ERBB4: variants seen among roughly 807,000 people sequenced by gnomAD.
The protein encoded by ERBB4 is erb-b2 receptor tyrosine kinase 4.
In ERBB4, 42 loss-of-function variants were observed where a neutral mutation model predicts 158.0. The ratio of observed to expected loss-of-function variants is 0.27; its 90% CI spans 0.21 to 0.34. The LOEUF is 0.34. Among genes scored for constraint, ERBB4 ranks in the 10% least tolerant of loss-of-function variants. The pLI, the probability that ERBB4 is intolerant of heterozygous loss-of-function variation, is 1.00. For missense variants in ERBB4, 1,333 were observed against 1,624.1 expected (o/e 0.82, Z 3.08); for synonymous variants, 583 against 558.7 (o/e 1.04, Z -0.61).
intron 13 of ERBB4, 60 bp downstream of exon 13, chr2:211,678,989 AAAT>A: frequency 1.4e-5 from 18 of 1,332,156 alleles, no homozygotes; most frequent in Middle Eastern, 2.2e-4. Context: ...AAAAAAAAAA[AAAT>A]CAGAACTAAT....
intron 19 of ERBB4, among the ~76,000 whole-genome samples, chr2:211,583,052 CTTCA>C (rs2068151227): frequency 2.6e-5 from 4 of 151,988 alleles, no homozygotes. Flanking sequence ...TATTTAAATA[CTTCA>C]TTCAGTATTT....
intron 18 of ERBB4, among the ~76,000 whole-genome samples, chr2:211,622,745 C>T (rs551915653): frequency 6.6e-6 from 1 of 150,650 alleles, no homozygotes; most frequent in South Asian, 2.1e-4. Context: ...GCGGGTAGAT[C>T]ACTTGTCAGG....
chr2:212,221,878 C>A (rs113983295), intron 1 of ERBB4, among the ~76,000 whole-genome samples: 1 of 151,352 alleles, frequency 6.6e-6, no homozygotes, highest in African/African-American at 2.4e-5. Flanking sequence ...CCTCCAAAAA[C>A]GGTTCTCTAT....
At chr2:212,133,795 C>A (rs890134962) in intron 1 of ERBB4, among the ~76,000 whole-genome samples, 2 of 152,210 alleles carry the variant, frequency 1.3e-5, no homozygotes, top group Admixed American at 6.5e-5. Flanking sequence ...CCTTTCCCTA[C>A]AAAACCTTTT....
Position 212,319,647 on chromosome 2 carries a change from A to G in ERBB4, c.83-194744T>C, listed in dbSNP as rs1361779273. ...TGTTACAGGAAACTTTGAATTGCAT[A>G]TAAGTATATTTTTATCTAACGTCTC... On this transcript the variant is annotated intron_variant, in intron 1 of 27. Transcript: ENST00000342788. Among the ~76,000 whole-genome samples, 12 of 150,434 alleles carry G rather than the reference A, an allele frequency of 8.0e-5. 1 individual carries two copies. The highest frequency in any genetic ancestry group is 3.3e-4 in the Admixed American group (5 of 15,040).
At chr2:211,620,302 A>C (rs1241244821) in intron 18 of ERBB4, among the ~76,000 whole-genome samples, 6 of 152,174 alleles carry the variant, frequency 3.9e-5, no homozygotes, top group African/African-American at 1.2e-4. Context: ...AAATGAAAGA[A>C]TGAAAAATAA....
chr2:211,666,461 A>G (rs2105922327), intron 14 of ERBB4, among the ~76,000 whole-genome samples: 1 of 152,318 alleles, frequency 6.6e-6, no homozygotes, highest in African/African-American at 2.4e-5. Flanking sequence ...TATATCTAAA[A>G]GTCATGACAA....
intron 1 of ERBB4, among the ~76,000 whole-genome samples, chr2:212,143,115 T>C (rs1252916206): frequency 1.3e-5 from 2 of 152,180 alleles, no homozygotes; most frequent in Non-Finnish European, 2.9e-5. Context: ...AGTCATATTT[T>C]AGTGTACTAT....
chr2:211,803,345 A>T (rs2076542419), intron 3 of ERBB4, among the ~76,000 whole-genome samples: 1 of 152,220 alleles, frequency 6.6e-6, no homozygotes, highest in South Asian at 2.1e-4. Flanking sequence ...TTTTATCAGT[A>T]TAGATTATAT....
intron 20 of ERBB4, among the ~76,000 whole-genome samples, chr2:211,499,630 T>C (rs1246133722): frequency 6.6e-6 from 1 of 152,082 alleles, no homozygotes; most frequent in Admixed American, 6.5e-5. Flanking sequence ...TCAGATGAGT[T>C]GGTTATTCCA....
At chr2:212,436,250 T>A (rs2092133224) in intron 1 of ERBB4, among the ~76,000 whole-genome samples, 1 of 151,936 alleles carries the variant, frequency 6.6e-6, no homozygotes, top group Non-Finnish European at 1.5e-5. Context: ...CTGAACTGAA[T>A]CAATTCATTT....
At chr2:211,506,590 T>G (rs1051382557) in intron 20 of ERBB4, among the ~76,000 whole-genome samples, 3 of 152,030 alleles carry the variant, frequency 2.0e-5, no homozygotes, top group African/African-American at 7.2e-5. Context: ...GAATTAGAAC[T>G]GAATACCAAG....
At chr2:211,675,564 G>A (rs1329885300) in intron 13 of ERBB4, among the ~76,000 whole-genome samples, 3 of 151,726 alleles carry the variant, frequency 2.0e-5, no homozygotes, top group Non-Finnish European at 2.9e-5. Flanking sequence ...AAGTTCTAAA[G>A]TTCCATTGCA....
chr2:211,791,224 A>T (rs1030001613), intron 3 of ERBB4, among the ~76,000 whole-genome samples: 3 of 151,956 alleles, frequency 2.0e-5, no homozygotes, highest in Non-Finnish European at 2.9e-5. Flanking sequence ...GATAAGAAAG[A>T]GGGACAAGGA....
intron 1 of ERBB4, among the ~76,000 whole-genome samples, chr2:212,187,669 T>C (rs971284043): frequency 3.9e-5 from 6 of 152,152 alleles, no homozygotes; most frequent in Admixed American, 1.3e-4. Context: ...GTAGAATTAA[T>C]GGCATGCAAC....
intron 12 of ERBB4, among the ~76,000 whole-genome samples, chr2:211,683,757 A>G (rs13026360): frequency 0.094 from 14,021 of 148,882 alleles, 713 homozygotes; most frequent in Admixed American, 0.15. Flanking sequence ...TTTTTTTTTA[A>G]GAAAGTAGCA....
At chr2:211,483,125 A>C (rs1379850945) in intron 20 of ERBB4, among the ~76,000 whole-genome samples, 1 of 152,104 alleles carries the variant, frequency 6.6e-6, no homozygotes, top group Non-Finnish European at 1.5e-5. Context: ...ATTGCAGAAA[A>C]AAACGAATGA....
At chr2:212,122,076 C>A (rs1222760003) in intron 2 of ERBB4, among the ~76,000 whole-genome samples, 1 of 150,504 alleles carries the variant, frequency 6.6e-6, no homozygotes, top group Non-Finnish European at 1.5e-5. Context: ...TAAACTCATA[C>A]ATACACACAC....
rs1575430864 is a variant in ERBB4, at chr2:211,955,021, G to A, written c.235-7405C>T. ...GGATTGTGCCACCCTGGCAAGGAGG[G>A]ACTCAAAGTCTCATTTAATTAGATT... On this transcript the variant is annotated intron_variant, in intron 2 of 27. Coordinates refer to ENST00000342788, the MANE Select transcript of ERBB4 (RefSeq NM_005235.3). Among the ~76,000 whole-genome samples, 5 of 152,024 alleles carry A rather than the reference G, an allele frequency of 3.3e-5. No individual in the cohort carries two copies. In the South Asian group the frequency reaches 6.2e-4, roughly 19 times the overall value.
Sources: allele counts gnomAD v4.1 joint callset (sites outside exome capture counted in the v4.1 genomes callset), GRCh38; gene constraint gnomAD v4.1.1; transcripts MANE v1.5; gene names NCBI Gene and HGNC (gene_info 2026-07-23, HGNC 2026-07-21).